Variants in NSUN6 observed in about 807,000 individuals in gnomAD.
NSUN6 encodes the protein NOP2/Sun RNA methyltransferase 6, also known as tRNA (cytosine(72)-C(5))-methyltransferase NSUN6.
Under a neutral mutation model 58.0 loss-of-function variants are expected in NSUN6, and 64 were observed. That is an observed-to-expected ratio of 1.10 (90% CI 0.90 to 1.36). The LOEUF (loss-of-function observed/expected upper bound fraction) is 1.36. Ranked by LOEUF, NSUN6 falls within the 40% of genes most tolerant of loss-of-function variation. The pLI is 0.00. For synonymous variants in NSUN6, 231 were observed against 193.9 expected, an observed-to-expected ratio of 1.19 and a Z score of -1.59; for missense variants, 701 against 550.1, an observed-to-expected ratio of 1.27 and a Z score of -2.74.
intron 8 of NSUN6, among the ~76,000 whole-genome samples, chr10:18,555,436 G>C (rs1250700972): frequency 6.6e-6 from 1 of 151,080 alleles, no homozygotes; most frequent in Non-Finnish European, 1.5e-5. Flanking sequence ...ATGCATTGGA[G>C]AATGGAACAG....
chr10:18,581,998 T>C (rs1357955837), intron 8 of NSUN6, among the ~76,000 whole-genome samples: 1 of 152,134 alleles, frequency 6.6e-6, no homozygotes, highest in Non-Finnish European at 1.5e-5. Context: ...TCTGGACCCC[T>C]TTCCAGTAAC....
At chr10:18,652,569 CTTTTTTTT>C (rs532727978), upstream of NSUN6, 4 of 898,448 alleles carry the variant, frequency 4.5e-6, no homozygotes, top group African/African-American at 8.2e-5. Context: ...TTTCTCTGCT[CTTTTTTTT>C]TTTTTTTTTT....
In NSUN6 at chr10:18,616,258, A is replaced by T; in HGVS notation, c.347T>A (p.Val116Asp). Residue 116 changes from valine to aspartate, a missense_variant, in exon 4 of 11, where the codon GTT (valine) becomes GAT (aspartate). Coordinates refer to ENST00000377304, the MANE Select transcript of NSUN6 (RefSeq NM_182543.5). Reference sequence around the variant, plus strand: ...AACTGCATTGCCACACTGGGCTCCAACAATGGCTTCACACTGTTGTTTTTT... The same window carrying T: ...AACTGCATTGCCACACTGGGCTCCATCAATGGCTTCACACTGTTGTTTTTT... ...NIKKQQCEAIVGAQCGNAVLR... is the reference protein window; with the variant it reads ...NIKKQQCEAIDGAQCGNAVLR... 6.2e-7 allele frequency: 1 copy of T among 1,611,522 alleles called. No individual in the cohort carries two copies. Among genetic ancestry groups the T allele is most frequent in the Non-Finnish European group, 8.5e-7 (1 of 1,177,648 alleles).
intron 8 of NSUN6, among the ~76,000 whole-genome samples, chr10:18,557,547 T>C (rs1260451668): frequency 6.9e-6 from 1 of 145,892 alleles, no homozygotes; most frequent in Non-Finnish European, 1.5e-5. Flanking sequence ...GAATGGATGA[T>C]GGTATGGAGA....
At chr10:18,546,825 T>C (rs1420763525) in intron 10 of NSUN6, among the ~76,000 whole-genome samples, 1 of 151,560 alleles carries the variant, frequency 6.6e-6, no homozygotes, top group Non-Finnish European at 1.5e-5. Context: ...AGAGCCAAGA[T>C]TGTGCCTGGG....
chr10:18,603,453 C>T (rs7077786), intron 6 of NSUN6, among the ~76,000 whole-genome samples: 119,633 of 151,030 alleles, frequency 0.79, 47,516 homozygotes, highest in East Asian at 0.98. Context: ...ACTATATGCA[C>T]GCTCTTTTTC....
chr10:18,621,326 T>C (rs940651023), intron 3 of NSUN6, among the ~76,000 whole-genome samples: 3 of 152,164 alleles, frequency 2.0e-5, no homozygotes, highest in African/African-American at 4.8e-5. Flanking sequence ...CCTTTGCTGA[T>C]TGTGCTTCAT....
intron 3 of NSUN6, among the ~76,000 whole-genome samples, chr10:18,639,358 G>A (rs10764640): frequency 0.35 from 52,790 of 151,942 alleles, 9,732 homozygotes; most frequent in East Asian, 0.73. Context: ...GCCAGGTGTG[G>A]TGGCATGCGC....
chr10:18,567,700 C>A (rs2056066268), intron 8 of NSUN6, among the ~76,000 whole-genome samples: 1 of 148,646 alleles, frequency 6.7e-6, no homozygotes, highest in Admixed American at 6.8e-5. Context: ...TCCTTCCATT[C>A]TATTCTCCAT....
intron 3 of NSUN6, among the ~76,000 whole-genome samples, chr10:18,618,242 T>C (rs533931608): frequency 1.3e-5 from 2 of 152,376 alleles, no homozygotes; most frequent in Non-Finnish European, 2.9e-5. Flanking sequence ...CACTCTGAAG[T>C]ATGTAGACAT....
chr10:18,638,776 C>T (rs2059299457), intron 3 of NSUN6, among the ~76,000 whole-genome samples: 1 of 151,994 alleles, frequency 6.6e-6, no homozygotes, highest in African/African-American at 2.4e-5. Context: ...ATAAAAGGCA[C>T]ACTTAGGGAA....
chr10:18,592,254 G>A (rs570584017), intron 7 of NSUN6, among the ~76,000 whole-genome samples: 63 of 152,234 alleles, frequency 4.1e-4, no homozygotes, highest in African/African-American at 1.3e-3. Flanking sequence ...TTCCATGCTC[G>A]TGGATAGGAA....
At chr10:18,574,187 T>G (rs2056535079) in intron 8 of NSUN6, among the ~76,000 whole-genome samples, 1 of 152,086 alleles carries the variant, frequency 6.6e-6, no homozygotes, top group Admixed American at 6.6e-5. Context: ...ATGGCCTCAA[T>G]GCATCCAGTC....
rs1590210728 is a variant in NSUN6 at position 18,651,409 on chromosome 10, A to G, written c.-206T>C. ...TAGAAGGGGCTGCCGGGCTTCCACC[A>G]CACCTCATCGAGGCAATGTTTTCTG... On this transcript the variant is annotated 5_prime_UTR_variant, in exon 1 of 11. Coordinates refer to ENST00000377304, the MANE Select transcript of NSUN6 (RefSeq NM_182543.5). 1 of 1,266,650 alleles carries G rather than the reference A, an allele frequency of 7.9e-7. No individual in the cohort carries two copies. The highest frequency in any genetic ancestry group is 9.9e-7 in the Non-Finnish European group (1 of 1,007,218). 78.5% of individuals were successfully genotyped at this position (1,266,650 alleles called of 1,614,324 possible).
chr10:18,583,635 A>C (rs574865982), intron 8 of NSUN6, among the ~76,000 whole-genome samples: 8 of 152,322 alleles, frequency 5.3e-5, no homozygotes, highest in African/African-American at 1.9e-4. Context: ...TTAAAAATGT[A>C]AAGGGAGATA....
intron 8 of NSUN6, among the ~76,000 whole-genome samples, chr10:18,582,145 T>C (rs1362700833): frequency 6.6e-6 from 1 of 152,190 alleles, no homozygotes; most frequent in Non-Finnish European, 1.5e-5. Context: ...AGCCAACTCC[T>C]GAGATCTTAT....
At chr10:18,573,244 A>G (rs916951208) in intron 8 of NSUN6, among the ~76,000 whole-genome samples, 31 of 144,668 alleles carry the variant, frequency 2.1e-4, no homozygotes, top group African/African-American at 7.8e-4. Context: ...TTCATTCTCC[A>G]TTCCATTTTC....
Position 18,651,475 on chromosome 10 carries a change from C to T in NSUN6, c.-272G>A, listed in dbSNP as rs1273767972. On this transcript the variant is annotated 5_prime_UTR_variant, in exon 1 of 11. In the 5' UTR this introduces an upstream ATG that the reference lacks. Transcript: ENST00000377304. ...GAAATCACTGAGCCAATGCCACTCA[C>T]GTTGCAAAGAACCAAAAAAAGAAAA... The T allele has an allele frequency of 3.5e-6, 4 of 1,144,102 alleles. No homozygotes were observed. The highest frequency in any genetic ancestry group is 4.4e-5 in the East Asian group (1 of 22,472). 70.9% of individuals were successfully genotyped at this position (1,144,102 alleles called of 1,614,324 possible).
chr10:18,636,358 T>TAAAA (rs533141020), intron 3 of NSUN6, among the ~76,000 whole-genome samples: 4 of 129,138 alleles, frequency 3.1e-5, no homozygotes, highest in Non-Finnish European at 6.7e-5. Context: ...TTGACAATGT[T>TAAAA]AAAAAAAAAA....
Sources: allele counts gnomAD v4.1 joint callset (sites outside exome capture counted in the v4.1 genomes callset), GRCh38; gene constraint gnomAD v4.1.1; transcripts MANE v1.5; gene names NCBI Gene and HGNC (gene_info 2026-07-23, HGNC 2026-07-21).